Variants in TMEM272 observed in about 807,000 individuals in gnomAD.
The protein encoded by TMEM272 is transmembrane protein 272.
TMEM272 carries 8 observed loss-of-function variants against 3.7 expected under a neutral mutation model. The ratio of observed to expected loss-of-function variants is 2.17; its 90% CI spans 1.27 to 3.91. The LOEUF (loss-of-function observed/expected upper bound fraction) is 3.91, where lower values mean the gene tolerates loss of function less well. TMEM272 is among the 30% of genes most tolerant of loss of function. The probability of loss-of-function intolerance (pLI) is 0.00; values close to 1 mark genes in which losing one functional copy is unlikely to be tolerated. For synonymous variants in TMEM272, 63 were observed against 39.8 expected, an observed-to-expected ratio of 1.58 and a Z score of -2.20; for missense variants, 166 against 91.5, an observed-to-expected ratio of 1.81 and a Z score of -3.32.
chr13:51,865,550 T>G, the TMEM272 span: 7 of 1,614,130 alleles, frequency 4.3e-6, no homozygotes, highest in Non-Finnish European at 5.1e-6. Flanking sequence ...GATGAAAATT[T>G]TTCGTGAAAA....
intron 2 of TMEM272, among the ~76,000 whole-genome samples, chr13:51,827,805 G>A (rs1309208525): frequency 1.3e-5 from 2 of 152,162 alleles, no homozygotes; most frequent in African/African-American, 4.8e-5. Context: ...CCATAGAAAA[G>A]GGCATGAAGT....
the TMEM272 span, chr13:51,866,023 G>C: frequency 2.5e-6 from 4 of 1,607,738 alleles, no homozygotes; most frequent in Non-Finnish European, 3.4e-6. Flanking sequence ...TCGAAGATGG[G>C]CCCCACAACG....
chr13:51,895,326 C>T, the TMEM272 span, among the ~76,000 whole-genome samples: 1 of 152,314 alleles, frequency 6.6e-6, no homozygotes, highest in East Asian at 1.9e-4. Flanking sequence ...TTGTCCTCTT[C>T]AGCTGCCATT....
the TMEM272 span, chr13:51,932,840 A>G: frequency 2.0e-5 from 3 of 152,338 alleles, no homozygotes; most frequent in South Asian, 4.1e-4. Context: ...TTATGGTCCT[A>G]AAAGTTTTAA....
the TMEM272 span, among the ~76,000 whole-genome samples, chr13:51,868,408 C>T: frequency 1.8e-4 from 27 of 152,296 alleles, no homozygotes; most frequent in Middle Eastern, 3.4e-3. Flanking sequence ...TGAATGAAAC[C>T]GAGTTTTAGC....
chr13:51,924,729 C>A, the TMEM272 span, among the ~76,000 whole-genome samples: 5 of 152,272 alleles, frequency 3.3e-5, no homozygotes, highest in Non-Finnish European at 5.9e-5. Context: ...TCCCGCTCTC[C>A]CCAGCAGCCA....
the TMEM272 span, among the ~76,000 whole-genome samples, chr13:51,896,899 T>C: frequency 2.6e-5 from 4 of 152,146 alleles, no homozygotes; most frequent in Non-Finnish European, 5.9e-5. Flanking sequence ...CCCAGGCAGG[T>C]ATGGATTTTT....
the TMEM272 span, among the ~76,000 whole-genome samples, chr13:51,883,035 G>A: frequency 5.4e-4 from 82 of 152,336 alleles, no homozygotes; most frequent in South Asian, 9.3e-3. Flanking sequence ...CTTGTTGGGC[G>A]CCACTGTCTA....
the TMEM272 span, among the ~76,000 whole-genome samples, chr13:51,917,192 G>A: frequency 3.9e-5 from 6 of 152,254 alleles, no homozygotes; most frequent in East Asian, 1.2e-3. Context: ...TTCCTTCCTC[G>A]TCTAAGTGAC....
chr13:51,836,638 T>C (rs1355069810), intron 2 of TMEM272, among the ~76,000 whole-genome samples: 1 of 152,196 alleles, frequency 6.6e-6, no homozygotes, highest in African/African-American at 2.4e-5. Flanking sequence ...CTTTCTCCAC[T>C]GTATGATTAC....
chr13:51,910,610 A>G, the TMEM272 span: 2 of 601,438 alleles, frequency 3.3e-6, no homozygotes, highest in African/African-American at 1.8e-5. Flanking sequence ...GGGTAGCCCT[A>G]GGCTCCTCCA....
chr13:51,912,377 C>G, the TMEM272 span, among the ~76,000 whole-genome samples: 2 of 152,112 alleles, frequency 1.3e-5, no homozygotes, highest in African/African-American at 4.8e-5. Context: ...CACGTGGGGG[C>G]AGCAGCCTCA....
the TMEM272 span, among the ~76,000 whole-genome samples, chr13:51,927,049 T>C: frequency 6.6e-6 from 1 of 152,118 alleles, no homozygotes; most frequent in African/African-American, 2.4e-5. Context: ...CCCAAGTAAG[T>C]GTATCCTAAG....
At position 51,816,471 on chromosome 13, in the gene TMEM272, A is replaced by G; in HGVS notation, c.*280T>C. ...GCCTCCCACACTTCATACCCTCAAA[A>G]ACAATTATCCCTTTGAAAACTCTTG... On this transcript the variant is annotated 3_prime_UTR_variant, in exon 5 of 5. Coordinates refer to ENST00000629372, the MANE Select transcript of TMEM272 (RefSeq NM_001351003.2). The G allele has an allele frequency of 3.0e-6, 1 of 332,318 alleles. No individual in the cohort carries two copies. The highest frequency in any genetic ancestry group is 5.8e-5 in the South Asian group (1 of 17,168). 20.6% of individuals were successfully genotyped at this position (332,318 alleles called of 1,614,324 possible).
At chr13:51,861,215 C>T in the TMEM272 span, among the ~76,000 whole-genome samples, 4 of 151,728 alleles carry the variant, frequency 2.6e-5, no homozygotes, top group Admixed American at 6.6e-5. Flanking sequence ...GGGGAGTGGA[C>T]GGGAAGAGGG....
chr13:51,906,505 A>G, the TMEM272 span, among the ~76,000 whole-genome samples: 1 of 152,248 alleles, frequency 6.6e-6, no homozygotes, highest in Admixed American at 6.5e-5. Context: ...CATGGGCCCT[A>G]AAGTGGGGAG....
chr13:51,883,680 C>T, the TMEM272 span, among the ~76,000 whole-genome samples: 10 of 152,170 alleles, frequency 6.6e-5, no homozygotes, highest in African/African-American at 1.7e-4. Context: ...CCCGGCAGCT[C>T]GGTTTTCAGG....
intron 1 of TMEM272, 88 bp from the exon 2 acceptor site, chr13:51,838,641 G>A: frequency 1.4e-6 from 1 of 697,116 alleles, no homozygotes; most frequent in Non-Finnish European, 2.6e-6. Flanking sequence ...TGTCAGTGGT[G>A]GCCTGCAGGG....
the TMEM272 span, among the ~76,000 whole-genome samples, chr13:51,923,215 G>A: frequency 7.2e-5 from 11 of 152,312 alleles, no homozygotes; most frequent in Middle Eastern, 3.4e-3. Flanking sequence ...AATGCCAGCA[G>A]GGATGGGAGA....
Sources: gnomAD v4.1 joint callset for allele counts (sites outside exome capture counted in the v4.1 genomes callset) on GRCh38, gnomAD v4.1.1 for gene constraint, MANE v1.5 for transcripts, NCBI Gene and HGNC (gene_info 2026-07-23, HGNC 2026-07-21) for gene names.